TRANK1: variants seen among roughly 807,000 people sequenced by gnomAD.
The protein encoded by TRANK1 is TPR and ankyrin repeat-containing protein 1.
In TRANK1, 198 loss-of-function variants were observed where a neutral mutation model predicts 266.0. That is an observed-to-expected ratio of 0.74 (90% CI 0.66 to 0.84). The LOEUF (loss-of-function observed/expected upper bound fraction) is 0.84. Among genes scored for constraint, TRANK1 ranks in the 40% least tolerant of loss-of-function variants. TRANK1 has a pLI of 0.00. For missense variants in TRANK1, 3,326 were observed against 3,634.6 expected (o/e 0.92, Z 2.18); for synonymous variants, 1,396 against 1,384.1 (o/e 1.01, Z -0.19).
rs762331022 is a variant in TRANK1, at chr3:36,855,436, C to A, written c.4286G>T (p.Trp1429Leu). 2 of 1,613,862 alleles carry A rather than the reference C, an allele frequency of 1.2e-6. No individual in the cohort carries two copies. Among genetic ancestry groups the A allele is most frequent in the African/African-American group, 1.3e-5 (1 of 74,914 alleles). ...ATCACCATAGAGCTCGTGGATGGAC[C>A]ATGGGAGCACCCTGAGCTTCGACAG... ...RRLSKLRVLP[W>L]SIHELYGDEI... is the part of the protein sequence containing the mutation. The change falls in exon 13 of 24, where the codon TGG becomes TTG. Residue 1429 changes from tryptophan to leucine, a missense_variant. Transcript: ENST00000645898.
At chr3:36,840,233 CA>C (rs755362525) in intron 18 of TRANK1, among the ~76,000 whole-genome samples, 3,587 of 131,606 alleles carry the variant, frequency 0.027, 109 homozygotes, top group African/African-American at 0.082. Context: ...CCTGCCCCAC[CA>C]AAAAAAAAAA....
intron 1 of TRANK1, among the ~76,000 whole-genome samples, chr3:36,944,552 C>A (rs889149400): frequency 9.9e-5 from 15 of 152,130 alleles, no homozygotes; most frequent in African/African-American, 3.4e-4. Context: ...CCTGTCGCAG[C>A]GCGTGCCCTG....
chr3:36,831,387 C>G lies in TRANK1; in HGVS notation c.8196G>C (p.Leu2732=). The change falls in exon 22 of 24, where the codon CTG becomes CTC. Residue 2732 remains leucine, a synonymous_variant. Coordinates refer to ENST00000645898, the MANE Select transcript of TRANK1 (RefSeq NM_001329998.2). The surrounding 1 kb of genome is among the most constrained non-coding windows in gnomAD (Gnocchi z 5.0). ...CCACTCTTCTCCTCCAACTGATGCA[C>G]AGAGACACCACCAGGCATGCCCTCC... ...KLRRACLVVS[L]CISWRRRVGT... is the part of the protein sequence containing the mutation. 6.2e-7 allele frequency: 1 copy of G among 1,613,186 alleles called. No individual in the cohort carries two copies. Among genetic ancestry groups the G allele is most frequent in the Non-Finnish European group, 8.5e-7 (1 of 1,179,556 alleles).
chr3:36,878,008 G>A (rs779823856), intron 8 of TRANK1, among the ~76,000 whole-genome samples: 3 of 151,418 alleles, frequency 2.0e-5, no homozygotes, highest in Admixed American at 6.6e-5. Flanking sequence ...AAAAACATGC[G>A]AGTCAATAGT....
intron 10 of TRANK1, among the ~76,000 whole-genome samples, chr3:36,861,505 A>G (rs2079141843): frequency 6.6e-6 from 1 of 152,150 alleles, no homozygotes; most frequent in East Asian, 1.9e-4. Context: ...TCCTTTCCTA[A>G]TAAATACTGA....
chr3:36,893,149 CAATT>C (rs2079733562), intron 5 of TRANK1, among the ~76,000 whole-genome samples, 165 bp from the exon 6 acceptor site: 1 of 151,946 alleles, frequency 6.6e-6, no homozygotes, highest in South Asian at 2.1e-4. Context: ...TTTGCTGTGA[CAATT>C]AAAGTCTCTG....
At chr3:36,865,427 C>T (rs1476278417) in intron 9 of TRANK1, among the ~76,000 whole-genome samples, 1 of 152,138 alleles carries the variant, frequency 6.6e-6, no homozygotes, top group African/African-American at 2.4e-5. Flanking sequence ...TGGCTTAGCA[C>T]GATGGCAACA....
At position 36,938,364 on chromosome 3, in the gene TRANK1, G is replaced by A. The variant is rs376578710; in HGVS notation, c.23+6423C>T. On this transcript the variant is annotated intron_variant, in intron 1 of 23. Transcript: ENST00000645898. ...CTCCTGAGTAGCTGGGATTACAGGC[G>A]CCCGCCACCATGCCCAGCTAATTTT... Among the ~76,000 whole-genome samples the A allele has an allele frequency of 1.9e-4, 29 of 151,942 alleles. No homozygotes were observed. The South Asian group carries it at 5.0e-3, about 26-fold the overall frequency.
At chr3:36,898,168 A>T (rs767752666) in intron 4 of TRANK1, among the ~76,000 whole-genome samples, 1 of 152,350 alleles carries the variant, frequency 6.6e-6, no homozygotes. Context: ...AAAGTACAGG[A>T]AAGTCCAGGC....
intron 1 of TRANK1, among the ~76,000 whole-genome samples, chr3:36,916,729 C>T (rs899280834): frequency 5.3e-5 from 8 of 151,798 alleles, no homozygotes; most frequent in Non-Finnish European, 1.0e-4. Context: ...AACTCCAAGG[C>T]TTTTAGCCAA....
At chr3:36,879,963 TGC>T (rs1559449528) in intron 8 of TRANK1, among the ~76,000 whole-genome samples, 6 of 9,046 alleles carry the variant, frequency 6.6e-4, no homozygotes, top group South Asian at 3.6e-3. Context: ...TATGTAAACA[TGC>T]AAATATATGT....
chr3:36,849,791 A>G (rs928279728), intron 15 of TRANK1, among the ~76,000 whole-genome samples: 23 of 152,320 alleles, frequency 1.5e-4, no homozygotes, highest in African/African-American at 5.1e-4. Flanking sequence ...GTTGTAAATG[A>G]TAAACTGAGA....
intron 8 of TRANK1, among the ~76,000 whole-genome samples, chr3:36,881,306 G>C (rs1254146413): frequency 6.6e-6 from 1 of 152,062 alleles, no homozygotes; most frequent in Non-Finnish European, 1.5e-5. Context: ...ACAAAAATTA[G>C]CCAGGCATGG....
intron 10 of TRANK1, among the ~76,000 whole-genome samples, chr3:36,861,755 G>GAA (rs1368752569): frequency 6.9e-6 from 1 of 145,752 alleles, no homozygotes; most frequent in Non-Finnish European, 1.5e-5. Context: ...GCCCAGGCTG[G>GAA]AATACAGTGG....
chr3:36,912,706 T>C (rs1473389356), intron 1 of TRANK1, among the ~76,000 whole-genome samples: 2 of 152,192 alleles, frequency 1.3e-5, no homozygotes, highest in Non-Finnish European at 2.9e-5. Context: ...ACTCATTGTG[T>C]ATACGTATAC....
intron 11 of TRANK1, among the ~76,000 whole-genome samples, chr3:36,859,578 C>T (rs938626750): frequency 4.6e-5 from 7 of 152,094 alleles, no homozygotes; most frequent in South Asian, 2.1e-4. Context: ...TCTCTCCACC[C>T]GAAATCACCT....
intron 9 of TRANK1, among the ~76,000 whole-genome samples, chr3:36,870,550 T>TTC (rs1353326032): frequency 6.6e-6 from 1 of 152,248 alleles, no homozygotes; most frequent in Non-Finnish European, 1.5e-5. Context: ...TCACTCATGT[T>TTC]TCTCTATAGT....
At position 36,831,987 on chromosome 3, in the gene TRANK1, C is replaced by T; in HGVS notation, c.7596G>A (p.Val2532=). ...AGTTCACATTCTCATAGCCACATAG[C>T]ACCTTGGCGAGGTAGGAGAGATGGA... The part of the protein sequence containing the change: ...FRFHLSYLAK[V]LCGYENVNFN... The change falls in exon 22 of 24, where the codon GTG becomes GTA. Residue 2532 remains valine (V), a synonymous_variant. Transcript: ENST00000645898. The surrounding 1 kb of genome is among the most constrained non-coding windows in gnomAD (Gnocchi z 5.0). 1.2e-6 allele frequency: 2 copies of T among 1,614,026 alleles called. No homozygotes were observed. The highest frequency in any genetic ancestry group is 1.7e-6 in the Non-Finnish European group (2 of 1,179,898).
intron 5 of TRANK1, among the ~76,000 whole-genome samples, chr3:36,894,539 T>C (rs2079759752): frequency 6.6e-6 from 1 of 152,212 alleles, no homozygotes; most frequent in African/African-American, 2.4e-5. Flanking sequence ...TCAACCCTGC[T>C]GCCTGCCCTC....
Sources: gnomAD v4.1 joint callset for allele counts (sites outside exome capture counted in the v4.1 genomes callset) on GRCh38, gnomAD v4.1.1 for gene constraint, Gnocchi (gnomAD v3.1) non-coding constraint, MANE v1.5 for transcripts, NCBI Gene and HGNC (gene_info 2026-07-23, HGNC 2026-07-21) for gene names.